The following TMTC2 variants were observed in gnomAD, a reference collection of about 807,000 sequenced individuals.
TMTC2 encodes the protein transmembrane O-mannosyltransferase targeting cadherins 2.
TMTC2 carries 43 observed loss-of-function variants against 82.4 expected under a neutral mutation model. The ratio of observed to expected loss-of-function variants is 0.52; its 90% confidence interval spans 0.41 to 0.67. The LOEUF (loss-of-function observed/expected upper bound fraction) is 0.67, where lower values mean the gene tolerates loss of function less well. Among genes scored for constraint, TMTC2 ranks in the 30% least tolerant of loss-of-function variants. TMTC2 has a pLI of 0.00. For synonymous variants in TMTC2, 408 were observed against 381.9 expected, an observed-to-expected ratio of 1.07 and a Z score of -0.80; for missense variants, 919 against 1,012.4, an observed-to-expected ratio of 0.91 and a Z score of 1.25.
intron 1 of TMTC2, among the ~76,000 whole-genome samples, chr12:82,701,759 CA>C (rs1303971501): frequency 0.011 from 1,031 of 94,914 alleles, 7 homozygotes; most frequent in African/African-American, 0.032. Context: ...AACTCCGTCT[CA>C]AAAAAAAAAA....
intron 1 of TMTC2, among the ~76,000 whole-genome samples, chr12:82,728,099 ACATTAGAATTGCGC>A (rs1874556476): frequency 7.8e-6 from 1 of 127,526 alleles, no homozygotes; most frequent in Admixed American, 7.9e-5. Flanking sequence ...TGCAATGCAC[ACATTAGAATTGCGC>A]ACATTAGAAT....
rs140182536 is a variant in TMTC2 at position 82,739,424 on chromosome 12, C to T, written c.83+51755C>T. ...TGCTGTTGTTTCTTTTCCTGTTTCC[C>T]ACTGCCTGAAATGCCAATATGATGG... On this transcript the variant is annotated intron_variant, in intron 1 of 11. Transcript: ENST00000321196. 3.3e-3 allele frequency among the ~76,000 whole-genome samples: 496 copies of T among 151,916 alleles called. 2 individuals are homozygous for T. The highest frequency in any genetic ancestry group is 0.011 in the African/African-American group (460 of 41,448).
intron 1 of TMTC2, among the ~76,000 whole-genome samples, chr12:82,792,382 A>G (rs978182356): frequency 3.3e-5 from 5 of 151,970 alleles, no homozygotes; most frequent in Non-Finnish European, 4.4e-5. Flanking sequence ...TCTATTTCCA[A>G]AATATATCAA....
chr12:83,009,177 G>A (rs1029226310), intron 8 of TMTC2, among the ~76,000 whole-genome samples: 4 of 152,172 alleles, frequency 2.6e-5, no homozygotes, highest in East Asian at 1.9e-4. Context: ...TTTTACCCTG[G>A]AGAATAGGCC....
chr12:82,938,288 G>A (rs142702206), intron 4 of TMTC2, among the ~76,000 whole-genome samples: 2 of 152,190 alleles, frequency 1.3e-5, no homozygotes, highest in African/African-American at 4.8e-5. Context: ...GAATATTTGA[G>A]AGGTTACAAT....
chr12:82,943,792 G>A lies in TMTC2; in HGVS notation c.1598+13247G>A, dbSNP rs77244672. Among the ~76,000 whole-genome samples, 845 of 152,252 alleles carry A rather than the reference G, an allele frequency of 5.6e-3. 11 individuals carry two copies. Among genetic ancestry groups the A allele is most frequent in the African/African-American group, 0.019 (807 of 41,546 alleles). ...CATTAATTTATTCAACAAATACTGA[G>A]TACCTTCAGAGTGATAGACATCATA... On this transcript the variant is annotated intron_variant, in intron 4 of 11. Transcript: ENST00000321196.
At chr12:82,699,376 T>A (rs2136896189) in intron 1 of TMTC2, among the ~76,000 whole-genome samples, 1 of 152,366 alleles carries the variant, frequency 6.6e-6, no homozygotes, top group Middle Eastern at 3.4e-3. Flanking sequence ...CCTGAGTACT[T>A]CTTTCCTTCT....
chr12:82,881,814 T>C (rs1455231871), intron 2 of TMTC2, among the ~76,000 whole-genome samples: 1 of 152,212 alleles, frequency 6.6e-6, no homozygotes, highest in Admixed American at 6.5e-5. Flanking sequence ...TCAGCAAAGT[T>C]ATTCCATTTA....
At chr12:82,907,201 T>C (rs950152141) in intron 3 of TMTC2, among the ~76,000 whole-genome samples, 9 of 151,998 alleles carry the variant, frequency 5.9e-5, no homozygotes, top group Admixed American at 2.0e-4. Flanking sequence ...TGGTGGCTCA[T>C]GCCTATAATA....
chr12:82,845,252 A>ATATATATATATAT (rs59603524), intron 1 of TMTC2, among the ~76,000 whole-genome samples: 1 of 38,804 alleles, frequency 2.6e-5, no homozygotes, highest in African/African-American at 1.0e-4. Context: ...AAAAAAAAAA[A>ATATATATATATAT]ATATATATAT....
intron 11 of TMTC2, among the ~76,000 whole-genome samples, chr12:83,065,622 T>C (rs547898062): frequency 6.6e-6 from 1 of 151,902 alleles, no homozygotes; most frequent in African/African-American, 2.4e-5. Flanking sequence ...CATTTTAAGT[T>C]TTTTTAGTTT....
At chr12:82,774,511 C>G (rs1208576160) in intron 1 of TMTC2, among the ~76,000 whole-genome samples, 1 of 151,840 alleles carries the variant, frequency 6.6e-6, no homozygotes, top group Non-Finnish European at 1.5e-5. Context: ...ATCCCAGCTA[C>G]TCGGGAGGCT....
At chr12:83,063,077 G>T (rs1054861200) in intron 11 of TMTC2, among the ~76,000 whole-genome samples, 4 of 151,732 alleles carry the variant, frequency 2.6e-5, no homozygotes, top group African/African-American at 9.7e-5. Flanking sequence ...GATGACCCAG[G>T]AAAATATTTT....
rs115143877 is a variant in TMTC2 at position 83,097,605 on chromosome 12, A to G, written c.2332-34605A>G. On this transcript the variant is annotated intron_variant, in intron 11 of 11. Transcript: ENST00000321196. ...AAGTACAGTCCCTTCTATTTATTAA[A>G]AAGGATTTTTATTCTGAGGGTAGAG... 3.3e-3 allele frequency among the ~76,000 whole-genome samples: 507 copies of G among 152,334 alleles called. 2 individuals are homozygous for G. Among genetic ancestry groups the G allele is most frequent in the African/African-American group, 0.012 (484 of 41,576 alleles).
At chr12:83,116,405 C>T (rs1414995881) in intron 11 of TMTC2, among the ~76,000 whole-genome samples, 7 of 152,182 alleles carry the variant, frequency 4.6e-5, no homozygotes, top group African/African-American at 1.7e-4. Context: ...CATGCATGTG[C>T]AAGTATCTTT....
intron 8 of TMTC2, among the ~76,000 whole-genome samples, chr12:82,997,416 A>ATATATATGTGTG (rs1879711846): frequency 9.0e-6 from 1 of 111,250 alleles, no homozygotes; most frequent in East Asian, 2.3e-4. Flanking sequence ...ATATGTGTAT[A>ATATATATGTGTG]TATATATATA....
intron 8 of TMTC2, among the ~76,000 whole-genome samples, chr12:82,989,685 A>G (rs992103206): frequency 2.0e-5 from 3 of 151,776 alleles, no homozygotes; most frequent in Non-Finnish European, 2.9e-5. Flanking sequence ...AAATTTTTCA[A>G]GCCTGACTAC....
At chr12:82,922,457 G>A (rs1316436515) in intron 3 of TMTC2, among the ~76,000 whole-genome samples, 1 of 152,110 alleles carries the variant, frequency 6.6e-6, no homozygotes, top group African/African-American at 2.4e-5. Context: ...AAGATGATGT[G>A]TGACCTTAAT....
rs184314875 is a variant in TMTC2 at position 82,801,808 on chromosome 12, T to C, written c.84-55202T>C. 1.8e-4 allele frequency among the ~76,000 whole-genome samples: 28 copies of C among 152,112 alleles called. 1 individual carries two copies. The highest frequency in any genetic ancestry group is 6.3e-4 in the African/African-American group (26 of 41,508). ...CCCACCAGATTAGCTAGATACGGAG[T>C]GTCGATTGGTGCATTCACAAACCCT... On this transcript the variant is annotated intron_variant, in intron 1 of 11. Coordinates refer to ENST00000321196, the MANE Select transcript of TMTC2 (RefSeq NM_152588.3).
Sources: allele counts gnomAD v4.1 joint callset (sites outside exome capture counted in the v4.1 genomes callset), GRCh38; gene constraint gnomAD v4.1.1; transcripts MANE v1.5; gene names NCBI Gene and HGNC (gene_info 2026-07-23, HGNC 2026-07-21).